The following GALNTL6 variants were observed in gnomAD, a reference collection of about 807,000 sequenced individuals.
GALNTL6 encodes polypeptide N-acetylgalactosaminyltransferase like 6.
A neutral mutation model predicts 73.7 loss-of-function variants in GALNTL6; 46 were observed. The observed-to-expected ratio is 0.62, with a 90% CI of 0.49 to 0.80. The LOEUF (loss-of-function observed/expected upper bound fraction) is 0.80, where lower values mean the gene tolerates loss of function less well. Ranked by LOEUF, GALNTL6 falls within the 30% of genes least tolerant of loss-of-function variation. The pLI, the probability that GALNTL6 is intolerant of heterozygous loss-of-function variation, is 0.00. For missense variants in GALNTL6, 604 were observed against 755.0 expected (o/e 0.80, Z 2.34); for synonymous variants, 259 against 263.7 (o/e 0.98, Z 0.17).
chr4:172,274,474 G>A (rs1738762300), intron 3 of GALNTL6, among the ~76,000 whole-genome samples: 2 of 152,158 alleles, frequency 1.3e-5, no homozygotes, highest in Admixed American at 1.3e-4. Context: ...TGACTTCAAA[G>A]TTCATGTTCA....
At chr4:172,020,578 C>A (rs943685394) in intron 2 of GALNTL6, among the ~76,000 whole-genome samples, 1 of 151,182 alleles carries the variant, frequency 6.6e-6, no homozygotes, top group African/African-American at 2.4e-5. Context: ...TGAAAAATTC[C>A]CAAATACATA....
intron 5 of GALNTL6, among the ~76,000 whole-genome samples, chr4:172,720,100 G>T (rs1343385393): frequency 6.6e-6 from 1 of 151,904 alleles, no homozygotes; most frequent in Non-Finnish European, 1.5e-5. Flanking sequence ...TGCTGACCTC[G>T]TATCTCATCT....
intron 7 of GALNTL6, among the ~76,000 whole-genome samples, chr4:172,847,668 G>A (rs1253065176): frequency 2.6e-5 from 4 of 152,150 alleles, no homozygotes; most frequent in African/African-American, 7.2e-5. Flanking sequence ...ATTAGGAATT[G>A]GGTGAGCAAA....
chr4:172,558,414 A>C (rs1434997485), intron 5 of GALNTL6, among the ~76,000 whole-genome samples: 1 of 152,196 alleles, frequency 6.6e-6, no homozygotes, highest in Admixed American at 6.5e-5. Flanking sequence ...ATTATGGTTA[A>C]AGGAGGTCAC....
chr4:172,522,679 A>C (rs59538373), intron 5 of GALNTL6, among the ~76,000 whole-genome samples: 1,875 of 10,450 alleles, frequency 0.18, 54 homozygotes, highest in East Asian at 0.51. Context: ...CCCCCCCCCC[A>C]AAAAAAAAGT....
intron 4 of GALNTL6, among the ~76,000 whole-genome samples, chr4:172,343,506 G>C (rs1578976390): frequency 1.3e-5 from 2 of 152,044 alleles, no homozygotes; most frequent in African/African-American, 4.8e-5. Context: ...AATTTATTTT[G>C]TGGCCTTTTT....
At chr4:172,814,887 A>G (rs1272472365) in intron 7 of GALNTL6, among the ~76,000 whole-genome samples, 1 of 152,180 alleles carries the variant, frequency 6.6e-6, no homozygotes, top group Non-Finnish European at 1.5e-5. Context: ...CTCTCATTAA[A>G]TATCCAGAGC....
chr4:172,909,582 T>G (rs1747090100), intron 8 of GALNTL6, among the ~76,000 whole-genome samples: 1 of 152,084 alleles, frequency 6.6e-6, no homozygotes, highest in South Asian at 2.1e-4. Flanking sequence ...AATATTATAA[T>G]GATAGATTTT....
chr4:172,931,372 C>T (rs904979855), intron 9 of GALNTL6, 104 bp downstream of exon 9: 16 of 739,756 alleles, frequency 2.2e-5, no homozygotes, highest in Middle Eastern at 4.7e-4. Context: ...CTCCAGTGTA[C>T]AGAGAGCTCC....
At chr4:172,169,815 A>G (rs1216554628) in intron 2 of GALNTL6, among the ~76,000 whole-genome samples, 1 of 152,212 alleles carries the variant, frequency 6.6e-6, no homozygotes, top group Non-Finnish European at 1.5e-5. Context: ...ACCCTCTCTG[A>G]TAATAATCAC....
intron 5 of GALNTL6, among the ~76,000 whole-genome samples, chr4:172,589,799 A>C (rs1360851563): frequency 1.3e-5 from 2 of 151,880 alleles, no homozygotes; most frequent in African/African-American, 4.8e-5. Context: ...TGTTTTATTA[A>C]CTCTGAATGA....
At chr4:172,752,077 A>C (rs1737459267) in intron 5 of GALNTL6, among the ~76,000 whole-genome samples, 1 of 151,402 alleles carries the variant, frequency 6.6e-6, no homozygotes, top group East Asian at 1.9e-4. Context: ...ACAAGTGGGA[A>C]CGTGCCAAAA....
rs1373910946 is a variant in GALNTL6 at position 171,825,112 on chromosome 4, A to G, written c.138+10394A>G. 2.0e-5 allele frequency among the ~76,000 whole-genome samples: 3 copies of G among 152,186 alleles called. No homozygotes were observed. The East Asian group carries it at 5.8e-4, about 29-fold the overall frequency. The stretch of plus-strand genomic sequence containing the variant: ...AACGATCTTTTAAATTGTGTCATTA[A>G]ATCAGTCTAGTTGCCAAAGACAATT... On this transcript the variant is annotated intron_variant, in intron 2 of 12. Transcript: ENST00000506823.
intron 8 of GALNTL6, among the ~76,000 whole-genome samples, chr4:172,924,269 G>A (rs1747935155): frequency 6.6e-6 from 1 of 152,090 alleles, no homozygotes. Context: ...AAAGTTTTCT[G>A]CTGTGTTTGA....
At chr4:171,987,736 C>T (rs559208434) in intron 2 of GALNTL6, among the ~76,000 whole-genome samples, 83 of 152,296 alleles carry the variant, frequency 5.4e-4, no homozygotes, top group Admixed American at 2.4e-3. Flanking sequence ...ATAGCATAGC[C>T]TGCCTTTGCT....
At chr4:172,725,742 T>G (rs1008712790) in intron 5 of GALNTL6, among the ~76,000 whole-genome samples, 1 of 152,230 alleles carries the variant, frequency 6.6e-6, no homozygotes, top group African/African-American at 2.4e-5. Flanking sequence ...AACAGTCATT[T>G]CCTCATCTGT....
chr4:172,088,463 G>A (rs1008450426), intron 2 of GALNTL6, among the ~76,000 whole-genome samples: 5 of 152,166 alleles, frequency 3.3e-5, no homozygotes, highest in African/African-American at 4.8e-5. Context: ...TGTGTATAAC[G>A]CCTTCTTCAT....
At chr4:171,931,675 G>A (rs1321520548) in intron 2 of GALNTL6, among the ~76,000 whole-genome samples, 1 of 152,080 alleles carries the variant, frequency 6.6e-6, no homozygotes, top group Non-Finnish European at 1.5e-5. Context: ...GATACTGTGT[G>A]GTTAGTCAAA....
intron 5 of GALNTL6, among the ~76,000 whole-genome samples, chr4:172,738,387 T>C (rs1273422551): frequency 1.3e-5 from 2 of 152,122 alleles, no homozygotes; most frequent in African/African-American, 2.4e-5. Context: ...CTCAGCGCTG[T>C]ATATTTGGAC....
Sources: gnomAD v4.1 joint callset for allele counts (sites outside exome capture counted in the v4.1 genomes callset) on GRCh38, gnomAD v4.1.1 for gene constraint, MANE v1.5 for transcripts, NCBI Gene and HGNC (gene_info 2026-07-23, HGNC 2026-07-21) for gene names.